ATOSA: variants seen among roughly 807,000 people sequenced by gnomAD.
ATOSA encodes the protein atos homolog A, also known as atos homolog protein A.
At chr15:52,653,724 CACTT>C in the ATOSA span, among the ~76,000 whole-genome samples, 6 of 152,316 alleles carry the variant, frequency 3.9e-5, 1 homozygote, top group South Asian at 1.2e-3. Context: ...TTTTCGTTAA[CACTT>C]ACTGCACAGA....
the ATOSA span, among the ~76,000 whole-genome samples, chr15:52,607,031 G>GTACA: frequency 3.2e-4 from 48 of 152,240 alleles, no homozygotes; most frequent in South Asian, 1.0e-2. Flanking sequence ...TATGTATATA[G>GTACA]TACATTAAGG....
At chr15:52,671,881 G>A in the ATOSA span, among the ~76,000 whole-genome samples, 2 of 151,358 alleles carry the variant, frequency 1.3e-5, no homozygotes, top group African/African-American at 2.4e-5. Context: ...GGCTGGATAT[G>A]GTAAACAAGG....
chr15:52,618,804 C>G, the ATOSA span, among the ~76,000 whole-genome samples: 1 of 152,142 alleles, frequency 6.6e-6, no homozygotes, highest in African/African-American at 2.4e-5. Context: ...CCCACCTTGG[C>G]CTCCCAGAGT....
chr15:52,600,010 T>A, the ATOSA span: 1 of 496,776 alleles, frequency 2.0e-6, no homozygotes, highest in East Asian at 3.3e-5. Context: ...TTTCAAGGCT[T>A]GAAAAAAGAC....
At chr15:52,605,431 AT>A in the ATOSA span, among the ~76,000 whole-genome samples, 1 of 151,702 alleles carries the variant, frequency 6.6e-6, no homozygotes, top group South Asian at 2.1e-4. Flanking sequence ...AGAAGTTTGG[AT>A]TTTTTTTCTG....
At chr15:52,669,203 G>A in the ATOSA span, among the ~76,000 whole-genome samples, 2 of 152,112 alleles carry the variant, frequency 1.3e-5, no homozygotes, top group Non-Finnish European at 2.9e-5. Flanking sequence ...TTACAGGCGT[G>A]AGCCACCGCG....
the ATOSA span, among the ~76,000 whole-genome samples, chr15:52,652,254 A>C: frequency 6.6e-6 from 1 of 152,230 alleles, no homozygotes. Flanking sequence ...ATAATGGCAA[A>C]GTATTCTAGC....
At chr15:52,606,910 A>G in the ATOSA span, among the ~76,000 whole-genome samples, 1 of 152,202 alleles carries the variant, frequency 6.6e-6, no homozygotes, top group Non-Finnish European at 1.5e-5. Flanking sequence ...TTTCCATATA[A>G]TTGAGATACT....
chr15:52,624,647 T>A, the ATOSA span, among the ~76,000 whole-genome samples: 1 of 152,234 alleles, frequency 6.6e-6, no homozygotes, highest in Non-Finnish European at 1.5e-5. Context: ...TATATCAACC[T>A]ATTCATTTCT....
chr15:52,686,755 GT>G, the ATOSA span, among the ~76,000 whole-genome samples: 7 of 152,078 alleles, frequency 4.6e-5, no homozygotes, highest in Admixed American at 2.0e-4. Flanking sequence ...TTCCAGACTG[GT>G]CTCTAACTCC....
chr15:52,632,863 G>C, the ATOSA span, among the ~76,000 whole-genome samples: 1 of 152,142 alleles, frequency 6.6e-6, no homozygotes, highest in East Asian at 1.9e-4. Flanking sequence ...AATGAAATGG[G>C]ATTATATATA....
At chr15:52,637,703 C>T in the ATOSA span, among the ~76,000 whole-genome samples, 3 of 152,164 alleles carry the variant, frequency 2.0e-5, no homozygotes, top group Non-Finnish European at 2.9e-5. Flanking sequence ...CCACTATATA[C>T]TAATAAGAGC....
At chr15:52,629,376 A>G in the ATOSA span, among the ~76,000 whole-genome samples, 41,335 of 151,800 alleles carry the variant, frequency 0.27, 7,417 homozygotes, top group East Asian at 0.85. Context: ...TCCATAGTTT[A>G]TCTTGGGGTT....
chr15:52,594,617 C>T, the ATOSA span, among the ~76,000 whole-genome samples: 1 of 152,150 alleles, frequency 6.6e-6, no homozygotes, highest in Admixed American at 6.5e-5. Flanking sequence ...AGCCAAAAGA[C>T]CTGGGTCACA....
the ATOSA span, among the ~76,000 whole-genome samples, chr15:52,647,440 A>C: frequency 1.3e-5 from 2 of 152,254 alleles, no homozygotes; most frequent in Admixed American, 1.3e-4. Context: ...TTGAGTTTTC[A>C]CAAAACCATT....
chr15:52,670,240 T>C, the ATOSA span, among the ~76,000 whole-genome samples: 1 of 152,228 alleles, frequency 6.6e-6, no homozygotes, highest in South Asian at 2.1e-4. Flanking sequence ...AACACTCATT[T>C]CCTCAGTGCA....
the ATOSA span, among the ~76,000 whole-genome samples, chr15:52,583,390 GTCATTCATTCATTCAT>G: frequency 8.6e-5 from 13 of 150,872 alleles, no homozygotes; most frequent in African/African-American, 2.9e-4. Context: ...TTCATACCAT[GTCATTCATTCATTCAT>G]TCATTCATTC....
the ATOSA span, among the ~76,000 whole-genome samples, chr15:52,589,505 C>G: frequency 6.6e-6 from 1 of 151,498 alleles, no homozygotes; most frequent in Admixed American, 6.6e-5. Context: ...CATTCAATTC[C>G]AATAGTTTTT....
the ATOSA span, among the ~76,000 whole-genome samples, chr15:52,642,732 G>A: frequency 6.6e-6 from 1 of 152,104 alleles, no homozygotes; most frequent in Non-Finnish European, 1.5e-5. Flanking sequence ...TCCCATATCT[G>A]ACTCCTCACC....
Sources: gnomAD v4.1 joint callset for allele counts (sites outside exome capture counted in the v4.1 genomes callset) on GRCh38, gnomAD v4.1.1 for gene constraint, MANE v1.5 for transcripts, NCBI Gene and HGNC (gene_info 2026-07-23, HGNC 2026-07-21) for gene names.